Variants in FAS observed in about 807,000 individuals in gnomAD.
FAS encodes the protein tumor necrosis factor receptor superfamily member 6.
Under a neutral mutation model 33.2 loss-of-function variants are expected in FAS, and 5 were observed. That is an observed-to-expected ratio of 0.15 (90% CI 0.08 to 0.32). The LOEUF is 0.32. Among genes scored for constraint, FAS ranks in the 10% least tolerant of loss-of-function variants. The pLI is 1.00. For missense variants in FAS, 339 were observed against 386.0 expected, an observed-to-expected ratio of 0.88 and a Z score of 1.02; for synonymous variants, 131 against 130.7, an observed-to-expected ratio of 1.00 and a Z score of -0.01.
rs1848703098 is a variant in FAS, at chr10:89,014,621, A to G, written c.*171A>G. The stretch of plus-strand genomic sequence containing the variant: ...TTAATATCTCATGATTCTGCCTCCA[A>G]GGATGTTTAAAATCTAGTTGGGAAA... On this transcript the variant is annotated 3_prime_UTR_variant, in exon 9 of 9. Transcript: ENST00000652046. 2 of 779,018 alleles carry G rather than the reference A, an allele frequency of 2.6e-6. No individual in the cohort carries two copies. Among genetic ancestry groups the G allele is most frequent in the Non-Finnish European group, 4.4e-6 (2 of 458,570 alleles). The allele number at this position is 779,018 out of a possible 1,614,324, so 48.3% of individuals were successfully genotyped here.
chr10:89,007,869 C>T (rs1848318566), intron 3 of FAS, 32 bp downstream of exon 3: 1 of 1,613,010 alleles, frequency 6.2e-7, no homozygotes. Flanking sequence ...TGAAAGAGGC[C>T]AATCTTGGAA....
At chr10:89,009,094 G>T in intron 4 of FAS, 97 bp downstream of exon 4, 1 of 1,168,450 alleles carries the variant, frequency 8.6e-7, no homozygotes, top group South Asian at 1.2e-5. Context: ...AAGAATTAGG[G>T]TTCTAGTCCT....
intron 2 of FAS, chr10:88,973,531 C>T: frequency 2.3e-6 from 1 of 439,094 alleles, no homozygotes; most frequent in South Asian, 6.7e-5. Context: ...GTCACCTTGG[C>T]TCTGTTTGGG....
chr10:88,982,763 A>G (rs1488016793), upstream of FAS, among the ~76,000 whole-genome samples: 1 of 152,244 alleles, frequency 6.6e-6, no homozygotes, highest in African/African-American at 2.4e-5. Flanking sequence ...ATGAAGCTAA[A>G]TGGAGACTGG....
intron 2 of FAS, among the ~76,000 whole-genome samples, chr10:88,978,211 G>A (rs1846618166): frequency 7.7e-6 from 1 of 130,108 alleles, no homozygotes; most frequent in Non-Finnish European, 1.6e-5. Flanking sequence ...AGATCACATG[G>A]ACACTGGAAG....
intron 1 of FAS, among the ~76,000 whole-genome samples, chr10:89,001,618 T>A (rs1183072398): frequency 2.0e-5 from 3 of 152,074 alleles, no homozygotes; most frequent in Non-Finnish European, 2.9e-5. Flanking sequence ...TTATCTTCTG[T>A]GTCTGCTAAT....
At chr10:89,013,512 C>T (rs1589488939) in intron 8 of FAS, 145 bp downstream of exon 8, 1 of 776,110 alleles carries the variant, frequency 1.3e-6, no homozygotes, top group East Asian at 2.6e-5. Context: ...CAGCATAAAG[C>T]ATTTATCAGG....
intron 2 of FAS, among the ~76,000 whole-genome samples, chr10:88,980,897 C>T (rs1846694615): frequency 6.6e-6 from 1 of 152,180 alleles, no homozygotes; most frequent in Non-Finnish European, 1.5e-5. Context: ...TCACTCCCTC[C>T]TCAAAAGTGC....
At chr10:88,973,271 C>T (rs1406828002) in exon 2 of FAS, 2 of 1,612,364 alleles carry the variant, frequency 1.2e-6, no homozygotes, top group Admixed American at 1.7e-5. Context: ...GATTCCCACT[C>T]TTGGGGATCT....
upstream of FAS, among the ~76,000 whole-genome samples, chr10:88,984,985 A>G (rs1018590324): frequency 2.6e-5 from 4 of 152,254 alleles, no homozygotes; most frequent in East Asian, 7.7e-4. Context: ...ATAGGTAAAT[A>G]AAATGACATT....
chr10:89,016,916 C>G lies in FAS; in HGVS notation c.*2466C>G. 1 of 192,202 alleles carries G rather than the reference C, an allele frequency of 5.2e-6. No homozygotes were observed. The highest frequency in any genetic ancestry group is 1.1e-5 in the Non-Finnish European group (1 of 91,856). The allele number at this position is 192,202 out of a possible 1,614,324, so 11.9% of individuals were successfully genotyped here. On this transcript the variant is annotated 3_prime_UTR_variant, in exon 9 of 9. Transcript: ENST00000652046. The stretch of plus-strand genomic sequence containing the variant: ...GAATCATCAGTTTCTGTACAACTAT[C>G]TGAATAAGGTATATAATCAATGAAA...
intron 4 of FAS, among the ~76,000 whole-genome samples, chr10:89,010,015 T>A (rs1475238104): frequency 6.6e-6 from 1 of 152,144 alleles, no homozygotes; most frequent in Non-Finnish European, 1.5e-5. Context: ...TGAATGTTTG[T>A]CTGTCTGAAG....
Position 89,003,134 on chromosome 10 carries a change from A to C in FAS, c.136A>C (p.Thr46Pro), listed in dbSNP as rs1286527065. Residue 46 changes from threonine to proline, a missense_variant, in exon 2 of 9, where the codon ACT (threonine) becomes CCT (proline). Thr to Pro is a conservative substitution (Grantham distance 38). This residue lies in a region of FAS where 276 missense variants were observed against 300.1 expected (regional missense o/e 0.92). Transcript: ENST00000652046. ...GAGGAAGACTGTTACTACAGTTGAG[A>C]CTCAGAACTTGGAAGGCCTGCATCA... Reference protein sequence around the residue: ...ELRKTVTTVETQNLEGLHHDG... With the variant: ...ELRKTVTTVEPQNLEGLHHDG... 2 of 1,614,034 alleles carry C rather than the reference A, an allele frequency of 1.2e-6. No individual in the cohort carries two copies. The highest frequency in any genetic ancestry group is 2.2e-5 in the South Asian group (2 of 91,088).
chr10:89,008,652 C>G (rs983974918), intron 3 of FAS, among the ~76,000 whole-genome samples: 1 of 152,186 alleles, frequency 6.6e-6, no homozygotes, highest in African/African-American at 2.4e-5. Flanking sequence ...ACTAGAGGAA[C>G]AGGGGAGACG....
At chr10:88,971,012 A>C (rs1846433231) in intron 1 of FAS, among the ~76,000 whole-genome samples, 1 of 152,194 alleles carries the variant, frequency 6.6e-6, no homozygotes, top group African/African-American at 2.4e-5. Context: ...TAAATAAAAT[A>C]ATACTAAGAT....
chr10:89,008,454 T>C (rs966836393), intron 3 of FAS, among the ~76,000 whole-genome samples: 1 of 152,226 alleles, frequency 6.6e-6, no homozygotes, highest in Non-Finnish European at 1.5e-5. Flanking sequence ...CTTAGGGAGC[T>C]ACTAAAAATG....
At position 89,014,376 on chromosome 10, in the gene FAS, A is replaced by T. The variant is rs1244096614; in HGVS notation, c.934A>T (p.Thr312Ser). The T allele has an allele frequency of 6.2e-7, 1 of 1,613,528 alleles. No homozygotes were observed. The highest frequency in any genetic ancestry group is 8.5e-7 in the Non-Finnish European group (1 of 1,179,940). The change falls in exon 9 of 9, where the codon ACT (threonine) becomes TCT (serine). Residue 312 changes from threonine to serine, a missense_variant. Coordinates refer to ENST00000652046, the MANE Select transcript of FAS (RefSeq NM_000043.6). ...NLCTLAEKIQ[T>S]IILKDITSDS... Reference sequence around the variant, plus strand: ...TTGTACTCTTGCAGAGAAAATTCAGACTATCATCCTCAAGGACATTACTAG... The same window carrying T: ...TTGTACTCTTGCAGAGAAAATTCAGTCTATCATCCTCAAGGACATTACTAG...
chr10:88,994,303 C>T (rs1477078064), intron 1 of FAS, among the ~76,000 whole-genome samples: 1 of 152,166 alleles, frequency 6.6e-6, no homozygotes, highest in Non-Finnish European at 1.5e-5. Context: ...GAAATCCCCC[C>T]ACTTGAAAGC....
chr10:88,967,786 C>T (rs1222722670), intron 1 of FAS, among the ~76,000 whole-genome samples: 4 of 152,190 alleles, frequency 2.6e-5, no homozygotes, highest in Non-Finnish European at 5.9e-5. Flanking sequence ...TAAATGATGG[C>T]TCACACACCA....
Sources: allele counts gnomAD v4.1 joint callset (sites outside exome capture counted in the v4.1 genomes callset), GRCh38; gene constraint gnomAD v4.1.1; regional missense constraint gnomAD v4.1.1; transcripts MANE v1.5; gene names NCBI Gene and HGNC (gene_info 2026-07-23, HGNC 2026-07-21).